The following MIPOL1 variants were observed in gnomAD, a reference collection of about 807,000 sequenced individuals.
MIPOL1 encodes the protein mirror-image polydactyly gene 1 protein.
In MIPOL1, 57 loss-of-function variants were observed where a neutral mutation model predicts 60.9. The observed-to-expected ratio is 0.94, with a 90% CI of 0.76 to 1.17. The LOEUF is 1.17. Ranked by LOEUF, MIPOL1 falls within the 50% of genes most tolerant of loss-of-function variation. MIPOL1 has a pLI of 0.00. For missense variants in MIPOL1, 551 were observed against 511.6 expected (o/e 1.08, Z -0.74); for synonymous variants, 179 against 168.8 (o/e 1.06, Z -0.47).
intron 11 of MIPOL1, among the ~76,000 whole-genome samples, chr14:37,450,963 G>A (rs2153574603): frequency 6.6e-6 from 1 of 152,178 alleles, no homozygotes. Context: ...CTTGTACCCT[G>A]ATAACGTAAA....
chr14:37,436,731 G>A (rs530368769), intron 11 of MIPOL1, among the ~76,000 whole-genome samples: 55 of 152,252 alleles, frequency 3.6e-4, no homozygotes, highest in Admixed American at 2.6e-3. Flanking sequence ...TCAGATATCC[G>A]GGACTTAACA....
At chr14:37,444,157 C>A (rs1415663227) in intron 11 of MIPOL1, among the ~76,000 whole-genome samples, 1 of 152,082 alleles carries the variant, frequency 6.6e-6, no homozygotes, top group East Asian at 1.9e-4. Flanking sequence ...TGTACACAAC[C>A]TAAGGATTCC....
intron 12 of MIPOL1, among the ~76,000 whole-genome samples, chr14:37,532,481 A>G (rs1343335693): frequency 6.6e-6 from 1 of 152,210 alleles, no homozygotes; most frequent in African/African-American, 2.4e-5. Flanking sequence ...TTAACTGTGA[A>G]GTGAATGGAT....
intron 11 of MIPOL1, among the ~76,000 whole-genome samples, chr14:37,473,687 A>C (rs140087108): frequency 1.7e-3 from 252 of 152,300 alleles, no homozygotes; most frequent in African/African-American, 5.6e-3. Flanking sequence ...AATGTCTTGT[A>C]TTGATGTGGC....
chr14:37,325,743 C>A (rs1595145910), intron 9 of MIPOL1, among the ~76,000 whole-genome samples: 1 of 151,946 alleles, frequency 6.6e-6, no homozygotes, highest in East Asian at 1.9e-4. Context: ...ATAAGGGACA[C>A]CCTAGGGGAT....
chr14:37,340,345 A>G (rs1225926289), intron 9 of MIPOL1, among the ~76,000 whole-genome samples: 1 of 152,216 alleles, frequency 6.6e-6, no homozygotes, highest in African/African-American at 2.4e-5. Flanking sequence ...CATTTGTACA[A>G]TGTGTTTATG....
rs2095194831 is a variant in MIPOL1 at position 37,500,147 on chromosome 14, A to T, written c.1262+9A>T. 1 of 1,563,562 alleles carries T rather than the reference A, an allele frequency of 6.4e-7. No homozygotes were observed. Among genetic ancestry groups the T allele is most frequent in the African/African-American group, 1.4e-5 (1 of 73,286 alleles). On this transcript the variant is annotated intron_variant, in intron 12 of 12. Transcript: ENST00000684589. ...AATGAAAAAGTTCAAAAGTAAGTTA[A>T]ATGATCTTGTAATAATACTTCAAAC...
intron 10 of MIPOL1, among the ~76,000 whole-genome samples, chr14:37,373,756 G>A (rs903649284): frequency 6.6e-6 from 1 of 152,126 alleles, no homozygotes; most frequent in South Asian, 2.1e-4. Flanking sequence ...TGGTGTATAT[G>A]TGCCACATTT....
At chr14:37,233,869 T>G (rs767004895) in intron 1 of MIPOL1, among the ~76,000 whole-genome samples, 2 of 152,196 alleles carry the variant, frequency 1.3e-5, no homozygotes, top group Non-Finnish European at 2.9e-5. Flanking sequence ...TCAAAATGCC[T>G]CGAACATCTT....
Position 37,359,026 on chromosome 14 carries a change from G to A in MIPOL1, c.829-10491G>A, listed in dbSNP as rs146335592. Reference sequence around the variant, plus strand: ...AATTTCTGTATAAGGTATAAGGAAGGGATCCAGTTTCAGCTTTCTACATAT... The same window carrying A: ...AATTTCTGTATAAGGTATAAGGAAGAGATCCAGTTTCAGCTTTCTACATAT... On this transcript the variant is annotated intron_variant, in intron 9 of 12. Transcript: ENST00000684589. Among the ~76,000 whole-genome samples the A allele has an allele frequency of 2.3e-3, 352 of 152,216 alleles. 2 individuals carry two copies. Among genetic ancestry groups the A allele is most frequent in the African/African-American group, 7.9e-3 (330 of 41,530 alleles).
intron 12 of MIPOL1, among the ~76,000 whole-genome samples, chr14:37,541,700 G>T (rs370398084): frequency 6.6e-6 from 1 of 152,106 alleles, no homozygotes; most frequent in Admixed American, 6.5e-5. Context: ...AATCTAGCAC[G>T]TATGAGATCA....
chr14:37,308,099 T>C lies in MIPOL1; in HGVS notation c.657+10T>C. 6 of 1,608,318 alleles carry C rather than the reference T, an allele frequency of 3.7e-6. No individual in the cohort carries two copies. The highest frequency in any genetic ancestry group is 1.7e-5 in the Admixed American group (1 of 59,382). ...TGAAGAAAATGACATGGTAAGCCATTCTCTGAGGAGATTTCTTGATGTCAG... is the reference window on the plus strand; with the variant it reads ...TGAAGAAAATGACATGGTAAGCCATCCTCTGAGGAGATTTCTTGATGTCAG... On this transcript the variant is annotated intron_variant, in intron 8 of 12. Coordinates refer to ENST00000684589, the MANE Select transcript of MIPOL1 (RefSeq NM_001388067.1).
chr14:37,309,366 T>A (rs982467501), intron 9 of MIPOL1, among the ~76,000 whole-genome samples: 1 of 152,062 alleles, frequency 6.6e-6, no homozygotes, highest in Non-Finnish European at 1.5e-5. Context: ...ACACTATTGT[T>A]GTAGTCGTGT....
At chr14:37,496,442 C>T (rs1453613218) in intron 11 of MIPOL1, among the ~76,000 whole-genome samples, 56 of 147,682 alleles carry the variant, frequency 3.8e-4, no homozygotes, top group Non-Finnish European at 4.6e-4. Context: ...TGATAAGCAA[C>T]TTCAGCAAAG....
chr14:37,394,084 A>ATATATATATATATATATATATATC (rs1491106712), intron 10 of MIPOL1, among the ~76,000 whole-genome samples: 3 of 134,672 alleles, frequency 2.2e-5, no homozygotes, highest in African/African-American at 5.7e-5. Context: ...ATATATATAT[A>ATATATATATATATATATATATATC]TCTCCATGTT....
chr14:37,364,107 C>T (rs906559182), intron 9 of MIPOL1, among the ~76,000 whole-genome samples: 12 of 152,216 alleles, frequency 7.9e-5, no homozygotes, highest in African/African-American at 2.7e-4. Context: ...AGGTGACGCC[C>T]TGCCCTGCTT....
At chr14:37,340,486 G>A (rs1397346796) in intron 9 of MIPOL1, among the ~76,000 whole-genome samples, 1 of 152,066 alleles carries the variant, frequency 6.6e-6, no homozygotes, top group Non-Finnish European at 1.5e-5. Flanking sequence ...CAAGTCGGAC[G>A]ATCCCTTGCA....
chr14:37,267,851 G>A (rs1231667971), intron 4 of MIPOL1, among the ~76,000 whole-genome samples: 3 of 152,116 alleles, frequency 2.0e-5, no homozygotes, highest in African/African-American at 7.2e-5. Context: ...ATGCATTTTG[G>A]TTTGGGTTAG....
Position 37,355,046 on chromosome 14 carries a change from C to T in MIPOL1, c.829-14471C>T, listed in dbSNP as rs188215788. ...GGCATGATTTTGCAGCGGCTGGTAC[C>T]GGTTGTCCTTTCCATGTTTAGCACT... On this transcript the variant is annotated intron_variant, in intron 9 of 12. Transcript: ENST00000684589. Among the ~76,000 whole-genome samples the T allele has an allele frequency of 3.1e-3, 429 of 139,266 alleles. 2 individuals are homozygous for T. The highest frequency in any genetic ancestry group is 9.0e-3 in the African/African-American group (334 of 37,252). 91.4% of individuals were successfully genotyped at this position (139,266 alleles called of 152,430 possible).
Sources: allele counts gnomAD v4.1 joint callset (sites outside exome capture counted in the v4.1 genomes callset), GRCh38; gene constraint gnomAD v4.1.1; transcripts MANE v1.5; gene names NCBI Gene and HGNC (gene_info 2026-07-23, HGNC 2026-07-21).